SDK2: variants seen among roughly 807,000 people sequenced by gnomAD.
SDK2 encodes sidekick cell adhesion molecule 2.
SDK2 carries 105 observed loss-of-function variants against 253.9 expected under a neutral mutation model. The observed-to-expected ratio is 0.41, with a 90% CI of 0.35 to 0.49. SDK2 has a LOEUF of 0.49. Ranked by LOEUF, SDK2 falls within the 20% of genes least tolerant of loss-of-function variation. SDK2 has a pLI of 0.06. For synonymous variants in SDK2, 1,249 were observed against 1,234.9 expected (o/e 1.01, Z -0.24); for missense variants, 2,608 against 3,003.0 (o/e 0.87, Z 3.07).
At chr17:73,482,590 G>A (rs1461789402) in intron 2 of SDK2, among the ~76,000 whole-genome samples, 2 of 152,258 alleles carry the variant, frequency 1.3e-5, no homozygotes, top group Non-Finnish European at 2.9e-5. Flanking sequence ...TCTGGCTTGC[G>A]ATGGCTGGGG....
chr17:73,504,213 TGTGAGA>T (rs757188715), intron 2 of SDK2: 11 of 83,306 alleles, frequency 1.3e-4, no homozygotes, highest in South Asian at 5.1e-4. Flanking sequence ...TGTGTGTGTG[TGTGAGA>T]GAGAGAGAGA....
intron 1 of SDK2, among the ~76,000 whole-genome samples, chr17:73,578,184 C>T (rs1032092503): frequency 2.6e-5 from 4 of 152,038 alleles, no homozygotes; most frequent in Non-Finnish European, 4.4e-5. Context: ...CTCAACCTCC[C>T]GAGTAGCTGG....
At chr17:73,615,900 T>C (rs919688156) in intron 1 of SDK2, among the ~76,000 whole-genome samples, 6 of 152,074 alleles carry the variant, frequency 3.9e-5, no homozygotes, top group Admixed American at 2.0e-4. Context: ...CACATACATA[T>C]ATGTACACAC....
intron 2 of SDK2, among the ~76,000 whole-genome samples, chr17:73,498,383 T>TA (rs2063860319): frequency 6.6e-6 from 1 of 152,198 alleles, no homozygotes. Context: ...CCATGGTACT[T>TA]AGAGTCCTGT....
rs572324089 is a variant in SDK2 at position 73,594,666 on chromosome 17, C to A, written c.64+49359G>T. On this transcript the variant is annotated intron_variant, in intron 1 of 44. Coordinates refer to ENST00000392650, the MANE Select transcript of SDK2 (RefSeq NM_001144952.2). ...AATACACCCATAGCACACATATGCA[C>A]ACATACATGTAATACATAGCACACA... 3.3e-5 allele frequency among the ~76,000 whole-genome samples: 5 copies of A among 152,244 alleles called. No individual in the cohort carries two copies. In the South Asian group the frequency reaches 1.0e-3, roughly 32 times the overall value.
intron 21 of SDK2, 23 bp from the exon 22 acceptor site, chr17:73,399,312 G>T (rs1381675815): frequency 6.2e-7 from 1 of 1,613,412 alleles, no homozygotes; most frequent in South Asian, 1.1e-5. Flanking sequence ...AACAGGGTGG[G>T]GAAGGAGATC....
intron 2 of SDK2, among the ~76,000 whole-genome samples, chr17:73,502,047 C>A (rs1327063580): frequency 1.3e-5 from 2 of 151,898 alleles, no homozygotes; most frequent in African/African-American, 4.8e-5. Context: ...CACACATACT[C>A]AGAAGGGTGC....
chr17:73,463,432 T>A (rs1359358178), intron 3 of SDK2, among the ~76,000 whole-genome samples: 3 of 152,192 alleles, frequency 2.0e-5, no homozygotes, highest in Non-Finnish European at 2.9e-5. Flanking sequence ...TATAATTATA[T>A]GTATAGTTTA....
chr17:73,372,409 G>T lies in SDK2; in HGVS notation c.4981-3816C>A, dbSNP rs1465787860. Among the ~76,000 whole-genome samples the T allele has an allele frequency of 2.0e-5, 3 of 152,296 alleles. 1 individual carries two copies. Among genetic ancestry groups the T allele is most frequent in the Admixed American group, 2.0e-4 (3 of 15,282 alleles). The stretch of plus-strand genomic sequence containing the variant: ...TGGGACCCAAACACCTAGAATCATG[G>T]CTGGCACATCCATGGTCCTCAATCA... On this transcript the variant is annotated intron_variant, in intron 36 of 44. Transcript: ENST00000392650.
At chr17:73,446,624 G>T (rs1040095153) in intron 5 of SDK2, among the ~76,000 whole-genome samples, 1 of 152,152 alleles carries the variant, frequency 6.6e-6, no homozygotes, top group Non-Finnish European at 1.5e-5. Context: ...GCCCCAGGCT[G>T]GTCCACACCC....
chr17:73,339,992 T>C lies in SDK2; in HGVS notation c.6166-1052A>G, dbSNP rs564716918. On this transcript the variant is annotated intron_variant, in intron 44 of 44. Coordinates refer to ENST00000392650, the MANE Select transcript of SDK2 (RefSeq NM_001144952.2). ...TTCAAGTGATTCTCCTGCCTCAGCT[T>C]CTGGAGTAGTTGAAATTACAGGCAC... Among the ~76,000 whole-genome samples the C allele has an allele frequency of 2.0e-5, 3 of 152,280 alleles. No individual in the cohort carries two copies. The East Asian group carries it at 5.8e-4, about 29-fold the overall frequency.
chr17:73,499,577 GAC>G (rs538728043), intron 2 of SDK2, among the ~76,000 whole-genome samples: 68 of 152,360 alleles, frequency 4.5e-4, no homozygotes, highest in African/African-American at 1.6e-3. Flanking sequence ...GCAGAAGAAT[GAC>G]ACACAGTGAT....
At chr17:73,359,889 GCCTCCA>G (rs1259883101) in intron 39 of SDK2, among the ~76,000 whole-genome samples, 1 of 152,180 alleles carries the variant, frequency 6.6e-6, no homozygotes, top group East Asian at 1.9e-4. Flanking sequence ...CAATCCACCC[GCCTCCA>G]CCTCCCAAAA....
At chr17:73,631,738 A>C (rs2046273614) in intron 1 of SDK2, among the ~76,000 whole-genome samples, 1 of 152,238 alleles carries the variant, frequency 6.6e-6, no homozygotes, top group African/African-American at 2.4e-5. Context: ...ATGGGGCACC[A>C]GCCACACACA....
Position 73,361,529 on chromosome 17 carries a change from CG to C in SDK2, c.5467+154del, listed in dbSNP as rs2062640027. On this transcript the variant is annotated intron_variant, in intron 39 of 44. Transcript: ENST00000392650. The surrounding 1 kb of genome is among the most constrained non-coding windows in gnomAD (Gnocchi z 4.1). The stretch of plus-strand genomic sequence containing the variant: ...AAGCGTGGAGCCCGGGAGGAGGGAG[CG>C]GGGGGAGGGGTCACTGGGCACCAGG... Among the ~76,000 whole-genome samples the C allele has an allele frequency of 1.3e-5, 2 of 151,750 alleles. No individual in the cohort carries two copies. Among genetic ancestry groups the C allele is most frequent in the Admixed American group, 6.6e-5 (1 of 15,244 alleles).
At chr17:73,549,929 G>C (rs1320671630) in intron 1 of SDK2, among the ~76,000 whole-genome samples, 3 of 152,188 alleles carry the variant, frequency 2.0e-5, no homozygotes, top group African/African-American at 7.2e-5. Flanking sequence ...AGGTGGAGGG[G>C]TGGTGGTGAC....
intron 1 of SDK2, among the ~76,000 whole-genome samples, chr17:73,548,213 AT>A (rs773088246): frequency 4.3e-4 from 66 of 152,346 alleles, no homozygotes; most frequent in Non-Finnish European, 7.6e-4. Context: ...TCACACGCTA[AT>A]GTCACGGGGC....
chr17:73,470,773 A>T (rs1406868549), intron 3 of SDK2, among the ~76,000 whole-genome samples: 5 of 152,240 alleles, frequency 3.3e-5, no homozygotes, highest in African/African-American at 9.6e-5. Context: ...ATTTAGAAGC[A>T]TGCTCCCATG....
At chr17:73,409,847 G>GTCTC (rs1379306563) in intron 18 of SDK2, among the ~76,000 whole-genome samples, 1 of 7,276 alleles carries the variant, frequency 1.4e-4, no homozygotes, top group Admixed American at 2.5e-3. Context: ...CTGTCTGTCT[G>GTCTC]TCTCTGTCTC....
Sources: allele counts gnomAD v4.1 joint callset (sites outside exome capture counted in the v4.1 genomes callset), GRCh38; gene constraint gnomAD v4.1.1; non-coding constraint Gnocchi (gnomAD v3.1); transcripts MANE v1.5; gene names NCBI Gene and HGNC (gene_info 2026-07-23, HGNC 2026-07-21).